Variants in KLHL5 observed in about 807,000 individuals in gnomAD.
KLHL5 encodes kelch-like protein 5.
KLHL5 carries 48 observed loss-of-function variants against 77.7 expected under a neutral mutation model. The observed-to-expected ratio is 0.62, with a 90% CI of 0.49 to 0.79. The LOEUF (loss-of-function observed/expected upper bound fraction) is 0.79. Ranked by LOEUF, KLHL5 falls within the 30% of genes least tolerant of loss-of-function variation. KLHL5 has a pLI of 0.00. For missense variants in KLHL5, 723 were observed against 859.7 expected (o/e 0.84, Z 1.99); for synonymous variants, 260 against 297.0 (o/e 0.88, Z 1.28).
intron 8 of KLHL5, among the ~76,000 whole-genome samples, chr4:39,108,829 T>C (rs1469122220): frequency 1.3e-5 from 2 of 152,214 alleles, no homozygotes; most frequent in African/African-American, 4.8e-5. Context: ...ATTGGATTAA[T>C]TTTTGTTCAG....
the KLHL5 span, among the ~76,000 whole-genome samples, chr4:39,139,341 C>T: frequency 1.3e-5 from 2 of 151,120 alleles, no homozygotes; most frequent in Non-Finnish European, 2.9e-5. Flanking sequence ...ATAATCTTGC[C>T]TAAACTATGG....
intron 1 of KLHL5, among the ~76,000 whole-genome samples, chr4:39,046,338 A>G (rs922293312): frequency 1.3e-5 from 2 of 152,214 alleles, no homozygotes; most frequent in Non-Finnish European, 2.9e-5. Flanking sequence ...CACAAAGTCA[A>G]GAAAAAAGAT....
intron 1 of KLHL5, among the ~76,000 whole-genome samples, chr4:39,070,416 A>G (rs1718366155): frequency 6.6e-6 from 1 of 152,184 alleles, no homozygotes; most frequent in South Asian, 2.1e-4. Context: ...TTATTTGACC[A>G]GTATTCTATT....
At chr4:39,065,279 A>G (rs4975029) in intron 1 of KLHL5, among the ~76,000 whole-genome samples, 110,343 of 151,780 alleles carry the variant, frequency 0.73, 40,268 homozygotes, top group East Asian at 0.82. Flanking sequence ...GAGCAGTCAG[A>G]CTTCTCTAAG....
At chr4:39,126,448 C>T (rs1723549704), downstream of KLHL5, among the ~76,000 whole-genome samples, 1 of 152,092 alleles carries the variant, frequency 6.6e-6, no homozygotes, top group African/African-American at 2.4e-5. Context: ...GGCTGAACAA[C>T]TTGCAAGCCT....
At chr4:39,098,520 A>G (rs1206102876) in intron 6 of KLHL5, among the ~76,000 whole-genome samples, 1 of 149,846 alleles carries the variant, frequency 6.7e-6, no homozygotes, top group African/African-American at 2.5e-5. Flanking sequence ...GTCCGCCTCA[A>G]CCTCCCAAAA....
intron 1 of KLHL5, among the ~76,000 whole-genome samples, chr4:39,064,533 A>G (rs1358742824): frequency 6.6e-6 from 1 of 152,164 alleles, no homozygotes; most frequent in Non-Finnish European, 1.5e-5. Context: ...TTACCAACAT[A>G]AGTAAATTCA....
At chr4:39,115,470 A>G in intron 10 of KLHL5, 140 bp downstream of exon 10, 1 of 1,517,310 alleles carries the variant, frequency 6.6e-7, no homozygotes, top group Non-Finnish European at 8.8e-7. Context: ...TAGCGATGAG[A>G]AAAAGAGGCA....
At chr4:39,060,159 A>T (rs1183494715), upstream of KLHL5, among the ~76,000 whole-genome samples, 1 of 152,212 alleles carries the variant, frequency 6.6e-6, no homozygotes, top group Non-Finnish European at 1.5e-5. Context: ...AAATTAGGTG[A>T]GAAGAGCAAA....
chr4:39,142,786 G>GAAAAAAAAAAAAAAAA, the KLHL5 span, among the ~76,000 whole-genome samples: 1 of 120,524 alleles, frequency 8.3e-6, no homozygotes. Flanking sequence ...TATGCTGAGT[G>GAAAAAAAAAAAAAAAA]AAAAAAAAAA....
At chr4:39,057,390 T>TA (rs1344164087), upstream of KLHL5, among the ~76,000 whole-genome samples, 3 of 152,204 alleles carry the variant, frequency 2.0e-5, no homozygotes, top group African/African-American at 7.2e-5. Flanking sequence ...GTTTGCTTTT[T>TA]ATGAGAATGG....
intron 7 of KLHL5, 47 bp from the exon 8 acceptor site, chr4:39,107,522 G>T: frequency 6.7e-7 from 1 of 1,491,418 alleles, no homozygotes; most frequent in Non-Finnish European, 9.1e-7. Flanking sequence ...TGATTTTTAA[G>T]ACAGCAGCCA....
At chr4:39,126,936 G>T (rs758528939), downstream of KLHL5, 12 of 357,988 alleles carry the variant, frequency 3.4e-5, no homozygotes, top group Non-Finnish European at 5.5e-5. Context: ...TGACGTCAAG[G>T]CACCAAAATG....
At chr4:39,117,571 C>T (rs1192579497) in intron 10 of KLHL5, among the ~76,000 whole-genome samples, 1 of 152,112 alleles carries the variant, frequency 6.6e-6, no homozygotes, top group Non-Finnish European at 1.5e-5. Flanking sequence ...TATATACACA[C>T]ACTTACTGGG....
At chr4:39,055,099 T>C (rs952323855) in intron 1 of KLHL5, among the ~76,000 whole-genome samples, 1 of 152,210 alleles carries the variant, frequency 6.6e-6, no homozygotes, top group African/African-American at 2.4e-5. Context: ...GGCTGGATAA[T>C]TCTAAGAGAC....
chr4:39,059,473 A>C (rs1371993936), upstream of KLHL5, among the ~76,000 whole-genome samples: 1 of 152,168 alleles, frequency 6.6e-6, no homozygotes, highest in Admixed American at 6.5e-5. Context: ...ATGGCCAAGC[A>C]CGGTGGCTCA....
intron 7 of KLHL5, among the ~76,000 whole-genome samples, chr4:39,107,207 C>A (rs1722105992): frequency 6.6e-6 from 1 of 152,070 alleles, no homozygotes; most frequent in Non-Finnish European, 1.5e-5. Context: ...GCCACCATGC[C>A]TGGCTAATTT....
At chr4:39,065,729 A>G (rs1392560834) in intron 1 of KLHL5, among the ~76,000 whole-genome samples, 1 of 151,566 alleles carries the variant, frequency 6.6e-6, no homozygotes, top group Non-Finnish European at 1.5e-5. Flanking sequence ...TATAGTAAAT[A>G]TATAGTAAAC....
chr4:39,137,155 A>G, the KLHL5 span, among the ~76,000 whole-genome samples: 1 of 150,162 alleles, frequency 6.7e-6, no homozygotes, highest in Non-Finnish European at 1.5e-5. Flanking sequence ...TAGAGATAAT[A>G]GATTAATAAA....
Sources: gnomAD v4.1 joint callset for allele counts (sites outside exome capture counted in the v4.1 genomes callset) on GRCh38, gnomAD v4.1.1 for gene constraint, MANE v1.5 for transcripts, NCBI Gene and HGNC (gene_info 2026-07-23, HGNC 2026-07-21) for gene names.